METTL15: variants seen among roughly 807,000 people sequenced by gnomAD.
The protein encoded by METTL15 is 12S rRNA N(4)-cytidine methyltransferase METTL15.
METTL15 carries 34 observed loss-of-function variants against 38.3 expected under a neutral mutation model. The observed-to-expected ratio is 0.89, with a 90% CI of 0.68 to 1.18. The LOEUF (loss-of-function observed/expected upper bound fraction) is 1.18, where lower values mean the gene tolerates loss of function less well. Ranked by LOEUF, METTL15 falls within the 50% of genes most tolerant of loss-of-function variation. The pLI is 0.00. For synonymous variants in METTL15, 162 were observed against 170.9 expected (o/e 0.95, Z 0.41); for missense variants, 438 against 498.4 (o/e 0.88, Z 1.15).
At chr11:28,444,957 A>C (rs746261637) in intron 6 of METTL15, among the ~76,000 whole-genome samples, 2 of 152,160 alleles carry the variant, frequency 1.3e-5, no homozygotes, top group African/African-American at 2.4e-5. Context: ...GGCTTGCTGT[A>C]TGAGGACTGG....
At chr11:28,494,603 T>A (rs1047310715) in intron 6 of METTL15, among the ~76,000 whole-genome samples, 1 of 152,176 alleles carries the variant, frequency 6.6e-6, no homozygotes, top group African/African-American at 2.4e-5. Flanking sequence ...CACCCAAATC[T>A]CATCTTCAGT....
chr11:28,171,398 G>A (rs1850852432), intron 3 of METTL15, among the ~76,000 whole-genome samples: 1 of 152,044 alleles, frequency 6.6e-6, no homozygotes, highest in African/African-American at 2.4e-5. Flanking sequence ...ATCATATTAG[G>A]TTGTATTGAG....
At chr11:28,297,548 A>C (rs1016032803) in intron 6 of METTL15, among the ~76,000 whole-genome samples, 2 of 152,098 alleles carry the variant, frequency 1.3e-5, no homozygotes, top group Non-Finnish European at 2.9e-5. Flanking sequence ...CTATTTCGCT[A>C]TTCACCACCA....
chr11:28,343,142 G>A (rs1849967346), intron 3 of METTL15, among the ~76,000 whole-genome samples: 1 of 151,034 alleles, frequency 6.6e-6, no homozygotes, highest in Non-Finnish European at 1.5e-5. Flanking sequence ...ATGCCAGCCA[G>A]ATGTTTTTTC....
At chr11:28,380,304 A>C (rs1036488853) in intron 5 of METTL15, among the ~76,000 whole-genome samples, 7 of 151,196 alleles carry the variant, frequency 4.6e-5, no homozygotes, top group Admixed American at 1.3e-4. Flanking sequence ...AGTAGCTGGG[A>C]CTACAGGCAC....
At chr11:28,430,664 A>T (rs1350095923) in intron 6 of METTL15, among the ~76,000 whole-genome samples, 1 of 63,876 alleles carries the variant, frequency 1.6e-5, no homozygotes, top group Non-Finnish European at 3.1e-5. Context: ...CTGCCCGGCC[A>T]CCCCTACTGG....
At chr11:28,391,796 C>G (rs1240810597) in intron 5 of METTL15, among the ~76,000 whole-genome samples, 1 of 152,122 alleles carries the variant, frequency 6.6e-6, no homozygotes, top group Admixed American at 6.6e-5. Context: ...CTTCCTTTCA[C>G]CTTACACAAA....
At chr11:28,371,064 C>T (rs770653646) in intron 5 of METTL15, among the ~76,000 whole-genome samples, 1 of 151,922 alleles carries the variant, frequency 6.6e-6, no homozygotes, top group Non-Finnish European at 1.5e-5. Flanking sequence ...TGATGTAATC[C>T]TATTTATTTT....
chr11:28,190,805 G>A (rs993316810), intron 3 of METTL15, among the ~76,000 whole-genome samples: 10 of 151,242 alleles, frequency 6.6e-5, no homozygotes, highest in Non-Finnish European at 8.9e-5. Context: ...TAAAATGTTA[G>A]CAAAATTAAC....
At chr11:28,201,088 A>G (rs888709865) in intron 3 of METTL15, among the ~76,000 whole-genome samples, 2 of 152,140 alleles carry the variant, frequency 1.3e-5, no homozygotes, top group African/African-American at 2.4e-5. Context: ...ATATTCCATC[A>G]ATACAGTTTA....
At chr11:28,528,416 T>A (rs1851826102), downstream of METTL15, among the ~76,000 whole-genome samples, 1 of 152,178 alleles carries the variant, frequency 6.6e-6, no homozygotes, top group African/African-American at 2.4e-5. Flanking sequence ...AAAGGAACAG[T>A]CACCTCTTCC....
At chr11:28,397,224 A>T (rs1257981037) in intron 5 of METTL15, among the ~76,000 whole-genome samples, 2 of 152,102 alleles carry the variant, frequency 1.3e-5, no homozygotes, top group Non-Finnish European at 2.9e-5. Flanking sequence ...TGGCAACAAA[A>T]GCCAAAATTG....
intron 5 of METTL15, among the ~76,000 whole-genome samples, chr11:28,405,570 GGT>G (rs1248152377): frequency 1.3e-5 from 2 of 152,078 alleles, no homozygotes; most frequent in African/African-American, 4.8e-5. Context: ...TTCTCCTTTT[GGT>G]GTGTTCAAAA....
intron 6 of METTL15, among the ~76,000 whole-genome samples, chr11:28,435,992 AT>A (rs1316563985): frequency 1.3e-5 from 2 of 152,232 alleles, no homozygotes; most frequent in Non-Finnish European, 1.5e-5. Context: ...TTCTTGTAGA[AT>A]AGCTAGTCTT....
intron 5 of METTL15, among the ~76,000 whole-genome samples, chr11:28,412,359 G>T (rs973766257): frequency 8.6e-5 from 13 of 150,402 alleles, no homozygotes; most frequent in African/African-American, 3.2e-4. Flanking sequence ...ACAGAGGAAT[G>T]GATAAAGAAA....
At chr11:28,249,946 C>T (rs6484361) in intron 4 of METTL15, among the ~76,000 whole-genome samples, 69,992 of 151,762 alleles carry the variant, frequency 0.46, 17,735 homozygotes, top group Admixed American at 0.56. Context: ...CAGTGTTTAG[C>T]TCCCACTTGA....
chr11:28,196,313 T>C (rs911530861), intron 3 of METTL15, among the ~76,000 whole-genome samples: 2 of 152,132 alleles, frequency 1.3e-5, no homozygotes, highest in Non-Finnish European at 2.9e-5. Context: ...GTTCATGATA[T>C]TGATTCTTCC....
At chr11:28,514,866 G>GGACTA in intron 6 of METTL15, among the ~76,000 whole-genome samples, 1 of 151,614 alleles carries the variant, frequency 6.6e-6, no homozygotes, top group East Asian at 2.0e-4. Context: ...GCAAAACAAG[G>GGACTA]GACTAGATCT....
intron 5 of METTL15, among the ~76,000 whole-genome samples, chr11:28,378,759 C>A (rs1218362606): frequency 1.2e-5 from 1 of 81,246 alleles, no homozygotes; most frequent in Non-Finnish European, 2.7e-5. Flanking sequence ...CCCTCCTCTT[C>A]AGTTTTTTTT....
Sources: allele counts gnomAD v4.1 joint callset (sites outside exome capture counted in the v4.1 genomes callset), GRCh38; gene constraint gnomAD v4.1.1; transcripts MANE v1.5; gene names NCBI Gene and HGNC (gene_info 2026-07-23, HGNC 2026-07-21).